PCDH15: variants seen among roughly 807,000 people sequenced by gnomAD.
The protein encoded by PCDH15 is protocadherin related 15.
Under a neutral mutation model 178.5 loss-of-function variants are expected in PCDH15, and 129 were observed. The observed-to-expected ratio is 0.72, with a 90% confidence interval of 0.63 to 0.84. The LOEUF (loss-of-function observed/expected upper bound fraction) is 0.84, where lower values mean the gene tolerates loss of function less well. PCDH15 is among the 40% of genes least tolerant of loss of function. The pLI is 0.00. For synonymous variants in PCDH15, 800 were observed against 732.0 expected, an observed-to-expected ratio of 1.09 and a Z score of -1.50; for missense variants, 2,230 against 2,099.9, an observed-to-expected ratio of 1.06 and a Z score of -1.21.
At chr10:55,110,984 C>G (rs1490785458) in intron 2 of PCDH15, among the ~76,000 whole-genome samples, 1 of 152,174 alleles carries the variant, frequency 6.6e-6, no homozygotes, top group African/African-American at 2.4e-5. Context: ...TTTCTTATAG[C>G]AATTAGACTG....
At chr10:55,352,029 T>C (rs1278889053) in intron 2 of PCDH15, among the ~76,000 whole-genome samples, 1 of 152,304 alleles carries the variant, frequency 6.6e-6, no homozygotes, top group East Asian at 1.9e-4. Flanking sequence ...AACCTTTGCA[T>C]AAATATTCAT....
chr10:54,071,196 C>G (rs1365246940), intron 17 of PCDH15, among the ~76,000 whole-genome samples: 1 of 152,012 alleles, frequency 6.6e-6, no homozygotes, highest in Non-Finnish European at 1.5e-5. Context: ...CAGTTTTGAG[C>G]AATGGATAAA....
intron 2 of PCDH15, among the ~76,000 whole-genome samples, chr10:55,557,899 G>A (rs1842122121): frequency 6.6e-6 from 1 of 152,090 alleles, no homozygotes; most frequent in African/African-American, 2.4e-5. Context: ...GATTAAAGGG[G>A]AGAGAAAGAG....
chr10:54,680,460 C>A (rs914783837), intron 1 of PCDH15, among the ~76,000 whole-genome samples: 1 of 150,776 alleles, frequency 6.6e-6, no homozygotes. Flanking sequence ...GTGGAGCTTT[C>A]TTTTTTTTTA....
chr10:55,533,119 A>T (rs1259297458), intron 2 of PCDH15, among the ~76,000 whole-genome samples: 1 of 152,058 alleles, frequency 6.6e-6, no homozygotes, highest in East Asian at 1.9e-4. Context: ...CACACCCAAC[A>T]TCATACTGAA....
chr10:55,022,711 C>CTTTT (rs201891944), intron 2 of PCDH15, among the ~76,000 whole-genome samples: 2 of 113,846 alleles, frequency 1.8e-5, no homozygotes, highest in Non-Finnish European at 3.6e-5. Context: ...TTTTCTTTTT[C>CTTTT]TTTTTTTTTT....
intron 6 of PCDH15, among the ~76,000 whole-genome samples, chr10:54,341,259 G>A (rs936393460): frequency 1.3e-5 from 2 of 152,112 alleles, no homozygotes; most frequent in Non-Finnish European, 1.5e-5. Context: ...TATTGAGGGA[G>A]GGATCTGGTA....
chr10:53,920,404 T>C (rs1051222003), intron 25 of PCDH15, among the ~76,000 whole-genome samples: 22 of 152,048 alleles, frequency 1.4e-4, no homozygotes, highest in African/African-American at 4.3e-4. Context: ...GTATAGATAC[T>C]ATATAAGTAT....
At chr10:54,555,487 T>G (rs2133255651) in intron 2 of PCDH15, among the ~76,000 whole-genome samples, 1 of 151,630 alleles carries the variant, frequency 6.6e-6, no homozygotes, top group Admixed American at 6.6e-5. Context: ...ATCCCAACAC[T>G]GTGGGAGGCC....
At chr10:53,831,280 G>A (rs929735874) in intron 30 of PCDH15, 35 bp downstream of exon 30, 6 of 1,593,440 alleles carry the variant, frequency 3.8e-6, no homozygotes, top group East Asian at 2.2e-5. Context: ...TGACTTCTGA[G>A]GAACTATCCA....
upstream of PCDH15, among the ~76,000 whole-genome samples, chr10:54,805,043 T>C (rs1035419700): frequency 1.3e-5 from 2 of 148,788 alleles, no homozygotes; most frequent in African/African-American, 4.9e-5. Flanking sequence ...ATGTATATAT[T>C]AACTAAATAT....
At chr10:55,369,304 A>G (rs1031338189) in intron 2 of PCDH15, among the ~76,000 whole-genome samples, 4 of 151,986 alleles carry the variant, frequency 2.6e-5, no homozygotes, top group African/African-American at 9.7e-5. Flanking sequence ...TTTCACCTCT[A>G]TCAAGCACCT....
chr10:54,583,375 T>C (rs539360338), intron 2 of PCDH15, among the ~76,000 whole-genome samples: 1 of 151,916 alleles, frequency 6.6e-6, no homozygotes, highest in Admixed American at 6.6e-5. Context: ...TCCTCCATTT[T>C]ATTTTACTAA....
At chr10:54,784,411 G>A (rs766036567) in intron 1 of PCDH15, among the ~76,000 whole-genome samples, 1 of 151,352 alleles carries the variant, frequency 6.6e-6, no homozygotes, top group Non-Finnish European at 1.5e-5. Context: ...AGATTTCGCG[G>A]TAGAAATGTA....
chr10:54,150,714 T>G (rs538598510), intron 14 of PCDH15, among the ~76,000 whole-genome samples: 1 of 152,060 alleles, frequency 6.6e-6, no homozygotes, highest in East Asian at 1.9e-4. Flanking sequence ...TATATGTTTA[T>G]AATACATTCA....
intron 6 of PCDH15, among the ~76,000 whole-genome samples, chr10:54,344,921 A>AC (rs1565027928): frequency 2.0e-5 from 3 of 147,368 alleles, no homozygotes; most frequent in African/African-American, 7.4e-5. Context: ...AAAAAAAAAA[A>AC]AAAAACAAGA....
At chr10:54,017,190 A>AT (rs1048968020) in intron 20 of PCDH15, among the ~76,000 whole-genome samples, 13 of 151,856 alleles carry the variant, frequency 8.6e-5, no homozygotes, top group Non-Finnish European at 1.5e-4. Flanking sequence ...TGCCCAGCTA[A>AT]TTTTTTGTAT....
At chr10:54,587,722 C>T (rs1329880213) in intron 2 of PCDH15, among the ~76,000 whole-genome samples, 1 of 152,050 alleles carries the variant, frequency 6.6e-6, no homozygotes, top group Non-Finnish European at 1.5e-5. Context: ...TATTAGTAAA[C>T]ATTTTTTAAC....
intron 2 of PCDH15, among the ~76,000 whole-genome samples, chr10:55,362,598 T>C (rs531655393): frequency 6.6e-6 from 1 of 152,234 alleles, no homozygotes; most frequent in Admixed American, 6.6e-5. Context: ...AATTGATGGA[T>C]ATAATTTTTG....
Sources: gnomAD v4.1 joint callset for allele counts (sites outside exome capture counted in the v4.1 genomes callset) on GRCh38, gnomAD v4.1.1 for gene constraint, MANE v1.5 for transcripts, NCBI Gene and HGNC (gene_info 2026-07-23, HGNC 2026-07-21) for gene names.